RCAN2: variants seen among roughly 807,000 people sequenced by gnomAD.
RCAN2 encodes the protein calcipressin-2.
RCAN2 carries 9 observed loss-of-function variants against 23.6 expected under a neutral mutation model. That is an observed-to-expected ratio of 0.38 (90% confidence interval 0.23 to 0.67). RCAN2 has a LOEUF of 0.67. Among genes scored for constraint, RCAN2 ranks in the 30% least tolerant of loss-of-function variants. The pLI, the probability that RCAN2 is intolerant of heterozygous loss-of-function variation, is 0.51. For missense variants in RCAN2, 273 were observed against 302.3 expected, an observed-to-expected ratio of 0.90 and a Z score of 0.72; for synonymous variants, 109 against 115.7, an observed-to-expected ratio of 0.94 and a Z score of 0.37.
intron 2 of RCAN2, among the ~76,000 whole-genome samples, chr6:46,264,633 T>C (rs1380891709): frequency 6.6e-6 from 1 of 152,200 alleles, no homozygotes. Flanking sequence ...CCATCACAGA[T>C]TCAGGACACA....
intron 2 of RCAN2, among the ~76,000 whole-genome samples, chr6:46,357,230 G>A (rs1371140875): frequency 1.3e-5 from 2 of 152,114 alleles, no homozygotes; most frequent in Non-Finnish European, 2.9e-5. Context: ...ATAAACTTCA[G>A]GGCAACTAAA....
chr6:46,471,979 C>T (rs554517364), intron 1 of RCAN2, among the ~76,000 whole-genome samples: 22 of 152,330 alleles, frequency 1.4e-4, no homozygotes, highest in South Asian at 4.1e-4. Context: ...CAGGACTCGG[C>T]GACTTGCACC....
chr6:46,331,640 C>A (rs1199394784), intron 2 of RCAN2, among the ~76,000 whole-genome samples: 4 of 152,082 alleles, frequency 2.6e-5, no homozygotes, highest in Non-Finnish European at 5.9e-5. Context: ...CCAAGGAACC[C>A]CAGTTCCACT....
chr6:46,274,981 C>T (rs1019913919), intron 2 of RCAN2, among the ~76,000 whole-genome samples: 2 of 152,194 alleles, frequency 1.3e-5, no homozygotes, highest in African/African-American at 4.8e-5. Context: ...ATGACTGGAA[C>T]CAGCAGGCTG....
intron 4 of RCAN2, among the ~76,000 whole-genome samples, chr6:46,229,086 T>C (rs1765782471): frequency 6.6e-6 from 1 of 152,222 alleles, no homozygotes; most frequent in East Asian, 1.9e-4. Context: ...TTAAGAATGT[T>C]GAATATTGGC....
chr6:46,484,662 C>T (rs1768948385), intron 1 of RCAN2, among the ~76,000 whole-genome samples: 1 of 152,216 alleles, frequency 6.6e-6, no homozygotes, highest in Admixed American at 6.5e-5. Context: ...TGACAGCTGT[C>T]AGCAGTCAGG....
intron 1 of RCAN2, among the ~76,000 whole-genome samples, chr6:46,459,596 T>C (rs1247816284): frequency 6.6e-6 from 1 of 152,234 alleles, no homozygotes; most frequent in African/African-American, 2.4e-5. Flanking sequence ...GGAGAAATAC[T>C]TTAGAAGTCA....
chr6:46,279,629 C>G (rs562212957), intron 2 of RCAN2, among the ~76,000 whole-genome samples: 1 of 152,362 alleles, frequency 6.6e-6, no homozygotes, highest in African/African-American at 2.4e-5. Context: ...TCACACCCAT[C>G]TCCATTTGTC....
intron 2 of RCAN2, among the ~76,000 whole-genome samples, chr6:46,273,230 T>C (rs1205220994): frequency 6.6e-6 from 1 of 152,178 alleles, no homozygotes; most frequent in East Asian, 1.9e-4. Flanking sequence ...AGCAGGGAAA[T>C]TGGGTTAACA....
intron 2 of RCAN2, among the ~76,000 whole-genome samples, chr6:46,452,180 C>A (rs927436426): frequency 2.0e-5 from 3 of 152,136 alleles, no homozygotes; most frequent in African/African-American, 7.2e-5. Flanking sequence ...TGTTTAAGAA[C>A]ATGAACTCTG....
chr6:46,422,387 C>T (rs1161006011), intron 2 of RCAN2, among the ~76,000 whole-genome samples: 1 of 152,144 alleles, frequency 6.6e-6, no homozygotes, highest in Non-Finnish European at 1.5e-5. Context: ...AACAAATAAA[C>T]CTCTTTTCTT....
intron 2 of RCAN2, among the ~76,000 whole-genome samples, chr6:46,367,755 C>T (rs1264144171): frequency 6.6e-6 from 1 of 152,140 alleles, no homozygotes; most frequent in African/African-American, 2.4e-5. Flanking sequence ...AAATAAATTA[C>T]ACACATGCTG....
intron 2 of RCAN2, among the ~76,000 whole-genome samples, chr6:46,417,055 A>T (rs1272259682): frequency 6.6e-6 from 1 of 152,196 alleles, no homozygotes; most frequent in African/African-American, 2.4e-5. Context: ...CACTGTGATG[A>T]ATATGTTTGT....
chr6:46,460,976 ACTCACAGGATTC>A (rs1200901323), intron 1 of RCAN2, among the ~76,000 whole-genome samples: 1 of 152,212 alleles, frequency 6.6e-6, no homozygotes, highest in African/African-American at 2.4e-5. Flanking sequence ...AGATAGCAAG[ACTCACAGGATTC>A]CTCTAGCTAA....
At chr6:46,405,520 A>G (rs1198361524) in intron 2 of RCAN2, among the ~76,000 whole-genome samples, 3 of 152,186 alleles carry the variant, frequency 2.0e-5, no homozygotes, top group African/African-American at 7.2e-5. Flanking sequence ...CAGATTAGTT[A>G]GATACAGAGT....
intron 2 of RCAN2, among the ~76,000 whole-genome samples, chr6:46,299,827 T>C (rs989795446): frequency 5.9e-5 from 9 of 151,998 alleles, no homozygotes; most frequent in Non-Finnish European, 1.2e-4. Flanking sequence ...TTGAACACAG[T>C]AAGTGCTCAG....
At chr6:46,426,561 G>A (rs1384651510) in intron 2 of RCAN2, among the ~76,000 whole-genome samples, 1 of 152,164 alleles carries the variant, frequency 6.6e-6, no homozygotes, top group African/African-American at 2.4e-5. Flanking sequence ...TTGAATGAGA[G>A]GAACAGCTGG....
At chr6:46,325,388 C>T in intron 2 of RCAN2, 1 of 1,614,026 alleles carries the variant, frequency 6.2e-7, no homozygotes, top group Non-Finnish European at 8.5e-7. Context: ...ATTGCAGGTG[C>T]ATACCTTAAC....
At chr6:46,381,735 G>C (rs529898918) in intron 2 of RCAN2, among the ~76,000 whole-genome samples, 1 of 152,100 alleles carries the variant, frequency 6.6e-6, no homozygotes, top group Non-Finnish European at 1.5e-5. Flanking sequence ...CTGAGGTCAC[G>C]GCATCCTGTT....
Sources: allele counts gnomAD v4.1 joint callset (sites outside exome capture counted in the v4.1 genomes callset), GRCh38; gene constraint gnomAD v4.1.1; transcripts MANE v1.5; gene names NCBI Gene and HGNC (gene_info 2026-07-23, HGNC 2026-07-21).